GRIN2B: variants seen among roughly 807,000 people sequenced by gnomAD.
The protein encoded by GRIN2B is glutamate receptor ionotropic, NMDA 2B.
GRIN2B carries 5 observed loss-of-function variants against 114.5 expected under a neutral mutation model. The observed-to-expected ratio is 0.04, with a 90% CI of 0.02 to 0.09. The LOEUF is 0.09. GRIN2B is among the 10% of genes least tolerant of loss of function. The probability of loss-of-function intolerance (pLI) is 1.00; values close to 1 mark genes in which losing one functional copy is unlikely to be tolerated. For synonymous variants in GRIN2B, 787 were observed against 745.1 expected, an observed-to-expected ratio of 1.06 and a Z score of -0.92; for missense variants, 1,108 against 1,943.5, an observed-to-expected ratio of 0.57 and a Z score of 8.08.
intron 4 of GRIN2B, among the ~76,000 whole-genome samples, chr12:13,698,134 A>C (rs1950277899): frequency 6.6e-6 from 1 of 152,234 alleles, no homozygotes; most frequent in South Asian, 2.1e-4. Context: ...TCCAAGGTTG[A>C]TGAGGCAATG....
chr12:13,882,584 C>T (rs1866088171), intron 2 of GRIN2B, among the ~76,000 whole-genome samples: 1 of 152,034 alleles, frequency 6.6e-6, no homozygotes, highest in South Asian at 2.1e-4. Flanking sequence ...GCAACAATGC[C>T]TCTTTCACAG....
At chr12:13,566,019 T>C (rs941645744) in intron 13 of GRIN2B, among the ~76,000 whole-genome samples, 4 of 152,176 alleles carry the variant, frequency 2.6e-5, no homozygotes, top group Middle Eastern at 3.2e-3. Context: ...TTCCCCTATC[T>C]GAGATCTTAG....
chr12:13,901,240 G>C (rs569953534), intron 2 of GRIN2B, among the ~76,000 whole-genome samples: 8 of 152,216 alleles, frequency 5.3e-5, no homozygotes, highest in Admixed American at 2.0e-4. Flanking sequence ...TAATGAGGTT[G>C]AACATCTTTT....
chr12:13,539,518 G>A lies in GRIN2B; in HGVS notation c.*23265C>T, dbSNP rs988960026. 1 of 152,186 alleles carries A rather than the reference G, an allele frequency of 6.6e-6. No individual in the cohort carries two copies. Among genetic ancestry groups the A allele is most frequent in the Non-Finnish European group, 1.5e-5 (1 of 68,030 alleles). 9.4% of individuals were successfully genotyped at this position (152,186 alleles called of 1,614,324 possible). A position where few individuals can be genotyped will look rare whatever the true frequency, so the allele number is the denominator to read the frequency against. On this transcript the variant is annotated 3_prime_UTR_variant, in exon 14 of 14. Coordinates refer to ENST00000609686, the MANE Select transcript of GRIN2B (RefSeq NM_000834.5). ...AGATCATTTAGAATCCATATATAAA[G>A]CCAGTAACAGGACTGGGACTGGGAG...
rs1948282172 is a variant in GRIN2B at position 13,541,714 on chromosome 12, G to A, written c.*21069C>T. The A allele has an allele frequency of 6.6e-6, 1 of 152,200 alleles. No individual in the cohort carries two copies. Among genetic ancestry groups the A allele is most frequent in the East Asian group, 1.9e-4 (1 of 5,184 alleles). The allele number at this position is 152,200 out of a possible 1,614,324, so 9.4% of individuals were successfully genotyped here. On this transcript the variant is annotated 3_prime_UTR_variant, in exon 14 of 14. Transcript: ENST00000609686. The stretch of plus-strand genomic sequence containing the variant: ...GTTTGCCTTTATTAGTGGACAGAGA[G>A]GCTGAACCAGCAGCAGCAGTAGTTG...
intron 5 of GRIN2B, among the ~76,000 whole-genome samples, chr12:13,618,866 G>A (rs1417546171): frequency 6.6e-6 from 1 of 152,024 alleles, no homozygotes; most frequent in Non-Finnish European, 1.5e-5. Flanking sequence ...TACTATATCT[G>A]TGGGAAAAAA....
At chr12:13,942,994 G>A (rs1269443008) in intron 2 of GRIN2B, among the ~76,000 whole-genome samples, 3 of 152,082 alleles carry the variant, frequency 2.0e-5, no homozygotes, top group African/African-American at 7.2e-5. Flanking sequence ...CCCGGTTCAT[G>A]GAGAAAAGCA....
At chr12:13,632,265 C>T (rs910495482) in intron 5 of GRIN2B, among the ~76,000 whole-genome samples, 10 of 152,224 alleles carry the variant, frequency 6.6e-5, no homozygotes, top group South Asian at 2.1e-4. Flanking sequence ...TAAGGTAGCA[C>T]TTGAATTCCT....
chr12:13,895,148 T>C (rs533471938), intron 2 of GRIN2B, among the ~76,000 whole-genome samples: 19 of 152,308 alleles, frequency 1.2e-4, no homozygotes, highest in African/African-American at 4.6e-4. Flanking sequence ...TTCAACCTCC[T>C]CCTTCAACAG....
intron 10 of GRIN2B, among the ~76,000 whole-genome samples, chr12:13,575,287 ATAAAT>A (rs1359317521): frequency 1.3e-5 from 2 of 152,218 alleles, no homozygotes; most frequent in African/African-American, 2.4e-5. Context: ...GTATTTGAAA[ATAAAT>A]TAAAGCTATT....
intron 3 of GRIN2B, among the ~76,000 whole-genome samples, chr12:13,859,478 G>C (rs1317435559): frequency 6.6e-6 from 1 of 152,202 alleles, no homozygotes; most frequent in African/African-American, 2.4e-5. Flanking sequence ...GAGCCAGCCA[G>C]ACAGAGCTAC....
chr12:13,564,382 C>A lies in GRIN2B; in HGVS notation c.2856G>T (p.Pro952=), dbSNP rs547507161. Residue 952 remains proline, a synonymous_variant, in exon 14 of 14, where the codon CCG becomes CCT. Coordinates refer to ENST00000609686, the MANE Select transcript of GRIN2B (RefSeq NM_000834.5). This position sits in a 1 kb window ranked among gnomAD's most constrained non-coding sequence, Gnocchi z 4.8. The part of the protein sequence containing the change: ...THSDCKSYNN[P]PCEENLFSDY... ...CACTGAAGAGGTTCTCCTCACAGGGCGGGTTGTTGTAGGATTTGCAGTCAG... is the reference window on the plus strand; with the variant it reads ...CACTGAAGAGGTTCTCCTCACAGGGAGGGTTGTTGTAGGATTTGCAGTCAG... 1 of 1,614,144 alleles carries A rather than the reference C, an allele frequency of 6.2e-7. No individual in the cohort carries two copies. Among genetic ancestry groups the A allele is most frequent in the Non-Finnish European group, 8.5e-7 (1 of 1,180,020 alleles).
Position 13,901,739 on chromosome 12 carries a change from A to G in GRIN2B, c.-18-35513T>C, listed in dbSNP as rs182995545. Among the ~76,000 whole-genome samples the G allele has an allele frequency of 6.6e-4, 100 of 152,236 alleles. 1 individual carries two copies. Among genetic ancestry groups the G allele is most frequent in the Non-Finnish European group, 1.0e-3 (71 of 67,958 alleles). On this transcript the variant is annotated intron_variant, in intron 2 of 13. Transcript: ENST00000609686. ...AAATAAAAGACTTTAAGTTTAATAT[A>G]GTTGAATTTATCAATCTCATCTTTT... is the stretch of plus-strand genomic sequence containing the variant.
chr12:13,742,615 G>A (rs1484478644), intron 4 of GRIN2B, among the ~76,000 whole-genome samples: 1 of 152,052 alleles, frequency 6.6e-6, no homozygotes, highest in Non-Finnish European at 1.5e-5. Context: ...ATTTTTAGTA[G>A]AGATGGAGTT....
Position 13,549,566 on chromosome 12 carries a change from T to C in GRIN2B, c.*13217A>G, listed in dbSNP as rs1344090666. On this transcript the variant is annotated 3_prime_UTR_variant, in exon 14 of 14. Coordinates refer to ENST00000609686, the MANE Select transcript of GRIN2B (RefSeq NM_000834.5). ...GGGCTGACCAAAACTACTGACACCT[T>C]CGGAGTATCATGACACCCCTGCACA... is the stretch of plus-strand genomic sequence containing the variant. The C allele has an allele frequency of 6.6e-6, 1 of 152,144 alleles. No individual in the cohort carries two copies. Among genetic ancestry groups the C allele is most frequent in the East Asian group, 1.9e-4 (1 of 5,180 alleles). The allele number at this position is 152,144 out of a possible 1,614,324, so 9.4% of individuals were successfully genotyped here.
intron 8 of GRIN2B, among the ~76,000 whole-genome samples, chr12:13,612,913 T>C (rs1949383401): frequency 1.3e-5 from 2 of 152,186 alleles, no homozygotes; most frequent in Admixed American, 1.3e-4. Flanking sequence ...ATCTTCCAAA[T>C]CATTAATAAA....
rs1348341356 is a variant in GRIN2B at position 13,898,222 on chromosome 12, GT to G, written c.-18-31997del. On this transcript the variant is annotated intron_variant, in intron 2 of 13. Transcript: ENST00000609686. ...TAGGGTCTGACACTGATCTGGAGGG[GT>G]TTTCCGAGTCATTATTTCTATCTAG... Among the ~76,000 whole-genome samples the G allele has an allele frequency of 4.6e-5, 7 of 152,100 alleles. No individual in the cohort carries two copies. In the East Asian group the frequency reaches 1.4e-3, roughly 29 times the overall value.
upstream of GRIN2B, among the ~76,000 whole-genome samples, chr12:13,981,736 T>C (rs1863142119): frequency 2.0e-5 from 3 of 146,510 alleles, no homozygotes; most frequent in South Asian, 6.5e-4. Context: ...GCTGTGCAAG[T>C]CAACCGCGCG....
chr12:13,568,553 T>C (rs1002522407), intron 12 of GRIN2B, among the ~76,000 whole-genome samples: 1 of 152,220 alleles, frequency 6.6e-6, no homozygotes, highest in East Asian at 1.9e-4. Context: ...ACTTTTCCCT[T>C]ATTTTTTTGA....
Sources: gnomAD v4.1 joint callset for allele counts (sites outside exome capture counted in the v4.1 genomes callset) on GRCh38, gnomAD v4.1.1 for gene constraint, Gnocchi (gnomAD v3.1) non-coding constraint, MANE v1.5 for transcripts, NCBI Gene and HGNC (gene_info 2026-07-23, HGNC 2026-07-21) for gene names.